The following RAD51B variants were observed in gnomAD, a reference collection of about 807,000 sequenced individuals.
RAD51B encodes DNA repair protein RAD51 homolog 2.
Under a neutral mutation model 42.2 loss-of-function variants are expected in RAD51B, and 38 were observed. The ratio of observed to expected loss-of-function variants is 0.90; its 90% CI spans 0.70 to 1.18. The LOEUF is 1.18. RAD51B is among the 50% of genes most tolerant of loss of function. RAD51B has a pLI of 0.00. For synonymous variants in RAD51B, 154 were observed against 145.2 expected (o/e 1.06, Z -0.43); for missense variants, 373 against 400.7 (o/e 0.93, Z 0.59).
At chr14:68,270,533 G>T (rs543909226) in intron 7 of RAD51B, among the ~76,000 whole-genome samples, 1 of 152,292 alleles carries the variant, frequency 6.6e-6, no homozygotes, top group South Asian at 2.1e-4. Context: ...TGCCTTGTTG[G>T]TTTTTCTGGA....
chr14:67,848,284 T>G (rs2041688739), intron 4 of RAD51B, among the ~76,000 whole-genome samples: 1 of 152,254 alleles, frequency 6.6e-6, no homozygotes, highest in African/African-American at 2.4e-5. Context: ...CCCAAAGTGC[T>G]GGGATTACAG....
chr14:68,602,652 C>T (rs1891272917), intron 10 of RAD51B, among the ~76,000 whole-genome samples: 1 of 152,218 alleles, frequency 6.6e-6, no homozygotes, highest in South Asian at 2.1e-4. Flanking sequence ...ACCTCAGTCT[C>T]TTCTCTTAAG....
intron 7 of RAD51B, among the ~76,000 whole-genome samples, chr14:68,264,741 A>G (rs4902562): frequency 0.64 from 97,785 of 152,064 alleles, 33,233 homozygotes; most frequent in African/African-American, 0.87. Flanking sequence ...GGATTAGAGC[A>G]TGCTGAATGA....
At chr14:68,375,307 G>T (rs1272493657) in intron 8 of RAD51B, among the ~76,000 whole-genome samples, 8 of 151,962 alleles carry the variant, frequency 5.3e-5, no homozygotes, top group Admixed American at 3.9e-4. Flanking sequence ...CTGGAGTTGT[G>T]GTTTCCATAC....
At chr14:68,042,935 T>C (rs1317746893) in intron 7 of RAD51B, among the ~76,000 whole-genome samples, 1 of 152,176 alleles carries the variant, frequency 6.6e-6, no homozygotes, top group Non-Finnish European at 1.5e-5. Context: ...TTTATTAAGA[T>C]GGAAGAAGCC....
At chr14:67,935,820 A>G (rs1358600717) in intron 7 of RAD51B, among the ~76,000 whole-genome samples, 2 of 152,168 alleles carry the variant, frequency 1.3e-5, no homozygotes, top group Non-Finnish European at 2.9e-5. Context: ...ACTTCATCTT[A>G]TAAAGATGAG....
At chr14:68,122,634 TA>T (rs199691317) in intron 7 of RAD51B, among the ~76,000 whole-genome samples, 3 of 152,236 alleles carry the variant, frequency 2.0e-5, no homozygotes, top group South Asian at 2.1e-4. Context: ...GGCCAATCTA[TA>T]AAAAAAACTT....
chr14:67,880,709 T>C (rs537194299), intron 5 of RAD51B, among the ~76,000 whole-genome samples: 45 of 152,354 alleles, frequency 3.0e-4, no homozygotes, highest in African/African-American at 1.1e-3. Flanking sequence ...TCTTTTCCTC[T>C]TCCTTTACTT....
intron 11 of RAD51B, among the ~76,000 whole-genome samples, chr14:68,673,062 T>G (rs1215769061): frequency 6.6e-6 from 1 of 152,210 alleles, no homozygotes; most frequent in Non-Finnish European, 1.5e-5. Flanking sequence ...CTAGCCAGAA[T>G]TGGTCAAACT....
At chr14:68,564,559 C>A (rs1209536194) in intron 10 of RAD51B, among the ~76,000 whole-genome samples, 7 of 152,178 alleles carry the variant, frequency 4.6e-5, no homozygotes, top group Admixed American at 4.6e-4. Context: ...TTCACGATCC[C>A]TTACTTATGG....
chr14:67,866,360 A>G (rs1427575470), intron 5 of RAD51B, among the ~76,000 whole-genome samples: 1 of 152,200 alleles, frequency 6.6e-6, no homozygotes, highest in African/African-American at 2.4e-5. Flanking sequence ...GGTTCACTCA[A>G]ATTGTCCAAG....
chr14:68,355,917 T>C (rs1458692893), intron 8 of RAD51B, among the ~76,000 whole-genome samples: 1 of 152,244 alleles, frequency 6.6e-6, no homozygotes, highest in African/African-American at 2.4e-5. Flanking sequence ...TATCCATTTA[T>C]GCATTTCCCA....
intron 10 of RAD51B, among the ~76,000 whole-genome samples, chr14:68,529,780 T>C (rs916815936): frequency 1.3e-5 from 2 of 152,244 alleles, no homozygotes; most frequent in African/African-American, 4.8e-5. Context: ...CAACATTTGT[T>C]ATCTAATCTT....
chr14:68,131,207 T>TA (rs1395602756), intron 7 of RAD51B, among the ~76,000 whole-genome samples: 2 of 152,168 alleles, frequency 1.3e-5, no homozygotes, highest in Admixed American at 6.5e-5. Flanking sequence ...ACATCAAGCC[T>TA]AAAAGGCTGC....
intron 8 of RAD51B, among the ~76,000 whole-genome samples, chr14:68,320,726 T>C (rs2082142200): frequency 6.6e-6 from 1 of 152,188 alleles, no homozygotes. Flanking sequence ...AAATAAAAAG[T>C]TTTACTTGGT....
At chr14:68,603,136 A>G (rs952870451) in intron 10 of RAD51B, among the ~76,000 whole-genome samples, 1 of 152,164 alleles carries the variant, frequency 6.6e-6, no homozygotes, top group Admixed American at 6.5e-5. Flanking sequence ...TCCGAACCTC[A>G]GACATCTCTA....
At chr14:68,333,354 C>T (rs1018943708) in intron 8 of RAD51B, among the ~76,000 whole-genome samples, 1 of 152,082 alleles carries the variant, frequency 6.6e-6, no homozygotes, top group Admixed American at 6.5e-5. Context: ...AAATGAGATC[C>T]CACTCTTGCC....
chr14:67,941,064 A>G (rs935954633), intron 7 of RAD51B, among the ~76,000 whole-genome samples: 9 of 152,156 alleles, frequency 5.9e-5, no homozygotes, highest in Non-Finnish European at 2.9e-5. Flanking sequence ...GTTTAGTCAC[A>G]TGTGCTTCTT....
At chr14:68,200,576 C>G (rs1022909338) in intron 7 of RAD51B, among the ~76,000 whole-genome samples, 9 of 152,198 alleles carry the variant, frequency 5.9e-5, no homozygotes, top group African/African-American at 2.2e-4. Flanking sequence ...TCAAAGACAG[C>G]TTTAGTGATG....
Sources: gnomAD v4.1 joint callset for allele counts (sites outside exome capture counted in the v4.1 genomes callset) on GRCh38, gnomAD v4.1.1 for gene constraint, MANE v1.5 for transcripts, NCBI Gene and HGNC (gene_info 2026-07-23, HGNC 2026-07-21) for gene names.